PAH: variants seen among roughly 807,000 people sequenced by gnomAD.
PAH encodes the protein phenylalanine hydroxylase, also known as phenylalanine-4-hydroxylase.
PAH carries 64 observed loss-of-function variants against 62.0 expected under a neutral mutation model. The ratio of observed to expected loss-of-function variants is 1.03; its 90% CI spans 0.84 to 1.27. The LOEUF is 1.27. Ranked by LOEUF, PAH falls within the 50% of genes most tolerant of loss-of-function variation. The pLI, the probability that PAH is intolerant of heterozygous loss-of-function variation, is 0.00. For missense variants in PAH, 579 were observed against 542.8 expected (o/e 1.07, Z -0.66); for synonymous variants, 195 against 196.2 (o/e 0.99, Z 0.05).
intron 5 of PAH, among the ~76,000 whole-genome samples, chr12:102,862,762 T>C (rs956733060): frequency 2.0e-5 from 3 of 152,114 alleles, no homozygotes; most frequent in Non-Finnish European, 4.4e-5. Context: ...GGATCATCAT[T>C]AGGCTCCAGA....
At chr12:102,949,506 G>A (rs1038939447) in intron 1 of PAH, among the ~76,000 whole-genome samples, 1 of 152,202 alleles carries the variant, frequency 6.6e-6, no homozygotes, top group Admixed American at 6.5e-5. Flanking sequence ...GAGAGACGAT[G>A]AGCAACTTGC....
At chr12:102,958,439 G>T (rs966671483), upstream of PAH, 21 of 1,556,522 alleles carry the variant, frequency 1.3e-5, no homozygotes, top group Non-Finnish European at 1.8e-5. Context: ...AGGCGCCGCA[G>T]CTGAGACCGG....
intron 3 of PAH, among the ~76,000 whole-genome samples, chr12:102,892,965 A>C (rs776917050): frequency 2.8e-4 from 42 of 152,262 alleles, no homozygotes; most frequent in Non-Finnish European, 3.2e-4. Flanking sequence ...ATAATATATC[A>C]ATATCGGCTC....
intron 2 of PAH, among the ~76,000 whole-genome samples, chr12:102,902,017 AGAAAGATGAAGCAG>A (rs1449856477): frequency 6.6e-6 from 1 of 152,210 alleles, no homozygotes; most frequent in African/African-American, 2.4e-5. Flanking sequence ...AGCACCATGG[AGAAAGATGAAGCAG>A]GAAAGAGGGA....
At position 102,957,529 on chromosome 12, in the gene PAH, G is replaced by C. The variant is rs936406280; in HGVS notation, c.-96+666C>G. ...GAGGAGGAGGGGGAGTTTAGGGAGTGGGTGGGAGGAAGAGGTAAGAGGAGG... is the reference window on the plus strand; with the variant it reads ...GAGGAGGAGGGGGAGTTTAGGGAGTCGGTGGGAGGAAGAGGTAAGAGGAGG... On this transcript the variant is annotated intron_variant, in intron 1 of 4. Coordinates refer to the PAH transcript ENST00000551337. The surrounding 1 kb of genome is among the most constrained non-coding windows in gnomAD (Gnocchi z 4.1). 6.6e-6 allele frequency among the ~76,000 whole-genome samples: 1 copy of C among 150,642 alleles called. No individual in the cohort carries two copies. The highest frequency in any genetic ancestry group is 2.4e-5 in the African/African-American group (1 of 40,948).
chr12:102,865,717 C>G (rs945269021), intron 5 of PAH, among the ~76,000 whole-genome samples: 1 of 152,158 alleles, frequency 6.6e-6, no homozygotes, highest in Admixed American at 6.5e-5. Context: ...AATTCTTCCA[C>G]TACCAAAAGT....
chr12:102,863,231 G>T lies in PAH; in HGVS notation c.509+3365C>A, dbSNP rs567590139. Among the ~76,000 whole-genome samples, 3 of 152,086 alleles carry T rather than the reference G, an allele frequency of 2.0e-5. No homozygotes were observed. In the East Asian group the frequency reaches 5.8e-4, roughly 29 times the overall value. On this transcript the variant is annotated intron_variant, in intron 5 of 12. Coordinates refer to ENST00000553106, the MANE Select transcript of PAH (RefSeq NM_000277.3). ...TTAGTACTGACAAATCCTAACAATT[G>T]GATAATTGATCATTACCATTATGAC...
At chr12:102,922,443 C>G (rs978286548) in intron 1 of PAH, among the ~76,000 whole-genome samples, 7 of 152,322 alleles carry the variant, frequency 4.6e-5, no homozygotes, top group African/African-American at 1.7e-4. Flanking sequence ...CCACCCACCT[C>G]AGCCTTCCAA....
upstream of PAH, among the ~76,000 whole-genome samples, chr12:102,954,549 C>T (rs1418433468): frequency 6.6e-6 from 1 of 152,148 alleles, no homozygotes; most frequent in Admixed American, 6.5e-5. Context: ...ATAGAGACCC[C>T]TAGAGTGTCT....
chr12:102,933,836 C>T (rs1251797881), intron 1 of PAH, among the ~76,000 whole-genome samples: 2 of 151,938 alleles, frequency 1.3e-5, no homozygotes, highest in Non-Finnish European at 2.9e-5. Context: ...TTTGTAATTT[C>T]AGTTATTAAC....
At position 102,956,005 on chromosome 12, in the gene PAH, A is replaced by C. The variant is rs114855458; in HGVS notation, c.-96+2190T>G. ...CGGGAGCCGCCCGTCATTACTGCCC[A>C]CCATCATCACTATTGTTCCAGAAAC... On this transcript the variant is annotated intron_variant, in intron 1 of 4. Coordinates refer to the PAH transcript ENST00000551337. Among the ~76,000 whole-genome samples, 613 of 152,256 alleles carry C rather than the reference A, an allele frequency of 4.0e-3. 5 individuals carry two copies. Among genetic ancestry groups the C allele is most frequent in the African/African-American group, 0.014 (576 of 41,538 alleles).
At chr12:102,884,064 T>C (rs1876930936) in intron 3 of PAH, among the ~76,000 whole-genome samples, 1 of 152,256 alleles carries the variant, frequency 6.6e-6, no homozygotes, top group Non-Finnish European at 1.5e-5. Flanking sequence ...TGAGAAGCTC[T>C]GGTGCTCACT....
At chr12:102,908,022 G>GAA (rs34438405) in intron 2 of PAH, among the ~76,000 whole-genome samples, 1 of 146,488 alleles carries the variant, frequency 6.8e-6, no homozygotes, top group Non-Finnish European at 1.5e-5. Flanking sequence ...AGTATGTTTG[G>GAA]AAAAAAAAAA....
At chr12:102,886,840 T>C (rs766972199) in intron 3 of PAH, among the ~76,000 whole-genome samples, 3 of 152,090 alleles carry the variant, frequency 2.0e-5, no homozygotes, top group Non-Finnish European at 4.4e-5. Flanking sequence ...TTTTTCACTA[T>C]TGCATCCTAT....
intron 8 of PAH, among the ~76,000 whole-genome samples, chr12:102,848,864 A>G (rs1240086401): frequency 2.6e-5 from 4 of 150,962 alleles, no homozygotes; most frequent in African/African-American, 9.8e-5. Flanking sequence ...GGTTAAAGGG[A>G]CACCAGGAGA....
intron 3 of PAH, among the ~76,000 whole-genome samples, chr12:102,879,693 T>C (rs1386811271): frequency 6.6e-6 from 1 of 152,038 alleles, no homozygotes; most frequent in East Asian, 1.9e-4. Flanking sequence ...CACACACTGC[T>C]AAGAAACAGT....
At position 102,957,268 on chromosome 12, in the gene PAH, G is replaced by A. The variant is rs1018568363; in HGVS notation, c.-96+927C>T. ...CAAGTTCTTAGTAGAATCCAAGAGA[G>A]CTTCACCCCAAGTCTTTCCACCTAT... On this transcript the variant is annotated intron_variant, in intron 1 of 4. Coordinates refer to the PAH transcript ENST00000551337. The surrounding 1 kb of genome is among the most constrained non-coding windows in gnomAD (Gnocchi z 4.1). Among the ~76,000 whole-genome samples the A allele has an allele frequency of 1.3e-5, 2 of 152,082 alleles. No individual in the cohort carries two copies. Among genetic ancestry groups the A allele is most frequent in the African/African-American group, 4.8e-5 (2 of 41,412 alleles).
chr12:102,921,388 T>G (rs1306218489), upstream of PAH, among the ~76,000 whole-genome samples: 1 of 152,222 alleles, frequency 6.6e-6, no homozygotes, highest in Non-Finnish European at 1.5e-5. Flanking sequence ...TTTGTTGCAA[T>G]AATTTCTGTT....
chr12:102,916,625 G>A (rs1878391349), intron 1 of PAH: 1 of 208,992 alleles, frequency 4.8e-6, no homozygotes, highest in East Asian at 1.2e-4. Flanking sequence ...AAGGAGGATA[G>A]TTACTCACAA....
Sources: gnomAD v4.1 joint callset for allele counts (sites outside exome capture counted in the v4.1 genomes callset) on GRCh38, gnomAD v4.1.1 for gene constraint, Gnocchi (gnomAD v3.1) non-coding constraint, MANE v1.5 for transcripts, NCBI Gene and HGNC (gene_info 2026-07-23, HGNC 2026-07-21) for gene names.